The following ACACB variants were observed in gnomAD, a reference collection of about 807,000 sequenced individuals.
ACACB encodes acetyl-CoA carboxylase beta.
In ACACB, 209 loss-of-function variants were observed where a neutral mutation model predicts 278.8. The ratio of observed to expected loss-of-function variants is 0.75; its 90% CI spans 0.67 to 0.84. The LOEUF (loss-of-function observed/expected upper bound fraction) is 0.84, where lower values mean the gene tolerates loss of function less well. Ranked by LOEUF, ACACB falls within the 40% of genes least tolerant of loss-of-function variation. ACACB has a pLI of 0.00. For synonymous variants in ACACB, 1,174 were observed against 1,285.6 expected, an observed-to-expected ratio of 0.91 and a Z score of 1.86; for missense variants, 2,850 against 3,269.0, an observed-to-expected ratio of 0.87 and a Z score of 3.13.
intron 1 of ACACB, among the ~76,000 whole-genome samples, chr12:109,116,940 T>C (rs1419845466): frequency 6.6e-6 from 1 of 151,876 alleles, no homozygotes; most frequent in Non-Finnish European, 1.5e-5. Context: ...TCCCTGGACA[T>C]GCTCCCATAT....
chr12:109,196,212 G>A (rs879556933), intron 16 of ACACB, among the ~76,000 whole-genome samples: 3 of 152,134 alleles, frequency 2.0e-5, no homozygotes, highest in Admixed American at 1.3e-4. Flanking sequence ...TCTCTCTCAC[G>A]TGTCCCAAAG....
intron 17 of ACACB, 59 bp from the exon 18 acceptor site, chr12:109,199,343 G>A: frequency 7.5e-7 from 1 of 1,326,092 alleles, no homozygotes; most frequent in Admixed American, 2.9e-5. Flanking sequence ...AGCCGGACTA[G>A]GGCTTGCTGA....
rs2046548650 is a variant in ACACB, at chr12:109,233,797, C to T, written c.4189C>T (p.Pro1397Ser). 1 of 1,614,190 alleles carries T rather than the reference C, an allele frequency of 6.2e-7. No individual in the cohort carries two copies. Among genetic ancestry groups the T allele is most frequent in the Admixed American group, 1.7e-5 (1 of 60,028 alleles). The stretch of plus-strand genomic sequence containing the variant: ...CTTCGCCAACGTGCCCAAAGACACC[C>T]CCCTCTTCAGCGAGGCCCGCACCTC... Reference protein sequence around the residue: ...SCFANVPKDTPLFSEARTSLY... With the variant: ...SCFANVPKDTSLFSEARTSLY... Residue 1397 changes from proline to serine, a missense_variant, in exon 30 of 53, where the codon CCC (proline) becomes TCC (serine). By Grantham distance (74) the Pro-to-Ser change is moderately conservative. Transcript: ENST00000338432.
In ACACB at chr12:109,163,986, G is replaced by T. The variant is rs1593440668; in HGVS notation, c.654-2875G>T. Among the ~76,000 whole-genome samples the T allele has an allele frequency of 2.0e-5, 3 of 152,274 alleles. No homozygotes were observed. The South Asian group carries it at 6.2e-4, about 32-fold the overall frequency. The stretch of plus-strand genomic sequence containing the variant: ...TATTTGAAGACAAATTCCCAGGATG[G>T]AAGTTTCCAGATTGAGAGGGCCTGA... On this transcript the variant is annotated intron_variant, in intron 2 of 52. Coordinates refer to ENST00000338432, the MANE Select transcript of ACACB (RefSeq NM_001093.4).
chr12:109,178,984 T>G, intron 9 of ACACB, 104 bp from the exon 10 acceptor site: 9 of 1,091,206 alleles, frequency 8.2e-6, no homozygotes, highest in Non-Finnish European at 1.2e-5. Context: ...ATGAGTACCC[T>G]AAACACATCA....
chr12:109,119,975 T>C (rs1328282148), intron 1 of ACACB, among the ~76,000 whole-genome samples: 2 of 152,194 alleles, frequency 1.3e-5, no homozygotes, highest in Non-Finnish European at 2.9e-5. Context: ...AATTAAATAA[T>C]GAGTGAAGGT....
At chr12:109,258,472 A>AGG in intron 46 of ACACB, 108 bp downstream of exon 46, 1 of 853,540 alleles carries the variant, frequency 1.2e-6, no homozygotes, top group Non-Finnish European at 1.8e-6. Flanking sequence ...GTGGAGAAGC[A>AGG]GGGGACCCAG....
Position 109,185,581 on chromosome 12 carries a change from C to T in ACACB, c.1821C>T (p.Ile607=), listed in dbSNP as rs775184175. 19 of 1,613,440 alleles carry T rather than the reference C, an allele frequency of 1.2e-5. No homozygotes were observed. Among genetic ancestry groups the T allele is most frequent in the South Asian group, 4.4e-5 (4 of 91,058 alleles). Residue 607 remains isoleucine, a splice_region_variant and synonymous_variant, in exon 12 of 53, where the codon ATC becomes ATT. Transcript: ENST00000338432. The stretch of plus-strand genomic sequence containing the variant: ...TGGGTTGGATCTCTTGATTTTAGAT[C>T]GCCATGGGCGTGCCACTGCACCGGC... The part of the protein sequence containing the change: ...DVNLPAAQLQ[I]AMGVPLHRLK...
At chr12:109,123,365 TTTTG>T (rs1234774480) in intron 1 of ACACB, among the ~76,000 whole-genome samples, 3 of 151,696 alleles carry the variant, frequency 2.0e-5, no homozygotes, top group Non-Finnish European at 4.4e-5. Context: ...CCAGAGTTTT[TTTTG>T]TTTGTTTGTT....
intron 43 of ACACB, among the ~76,000 whole-genome samples, chr12:109,253,730 T>C (rs1361224678): frequency 6.6e-6 from 1 of 152,186 alleles, no homozygotes; most frequent in African/African-American, 2.4e-5. Flanking sequence ...TTGTCATTCT[T>C]CATTATAACC....
chr12:109,189,099 G>A lies in ACACB; in HGVS notation c.2144+937G>A, dbSNP rs576717824. On this transcript the variant is annotated intron_variant, in intron 13 of 52. Coordinates refer to ENST00000338432, the MANE Select transcript of ACACB (RefSeq NM_001093.4). ...CCCCAAATTCTGACACACCATCTCC[G>A]ACACTTCTCCTGGCTTGACATGGGT... 5.3e-5 allele frequency among the ~76,000 whole-genome samples: 8 copies of A among 152,192 alleles called. No individual in the cohort carries two copies. The East Asian group carries it at 1.4e-3, about 26-fold the overall frequency.
intron 51 of ACACB, 43 bp downstream of exon 51, chr12:109,265,323 C>T: frequency 6.2e-7 from 1 of 1,610,612 alleles, no homozygotes; most frequent in Non-Finnish European, 8.5e-7. Context: ...ACAGGGGGTG[C>T]TGGGGGCTGA....
At chr12:109,256,599 G>A (rs574758598) in intron 45 of ACACB, among the ~76,000 whole-genome samples, 11 of 152,234 alleles carry the variant, frequency 7.2e-5, no homozygotes, top group Admixed American at 1.3e-4. Flanking sequence ...GCCACTGTTG[G>A]TGGGAGGCTG....
chr12:109,220,060 TC>T (rs1291046091), intron 24 of ACACB, among the ~76,000 whole-genome samples: 22 of 152,240 alleles, frequency 1.4e-4, no homozygotes, highest in South Asian at 6.2e-4. Flanking sequence ...ATTTTGCTGT[TC>T]GTTCTTCTGT....
At chr12:109,115,020 C>G (rs1260118295), upstream of ACACB, among the ~76,000 whole-genome samples, 1 of 152,110 alleles carries the variant, frequency 6.6e-6, no homozygotes, top group Non-Finnish European at 1.5e-5. Context: ...TGGAAAATAC[C>G]TGTGTCTTAA....
chr12:109,260,396 C>T, intron 47 of ACACB, 84 bp from the exon 48 acceptor site: 1 of 1,549,632 alleles, frequency 6.5e-7, no homozygotes, highest in East Asian at 2.2e-5. Flanking sequence ...CTCACTCTCC[C>T]AGGACCCCCA....
rs370335975 is a variant in ACACB at position 109,188,115 on chromosome 12, A to G, written c.2097A>G (p.Gln699=). The part of the protein sequence containing the change: ...TGGLHEFADS[Q]FGHCFSWGEN... ...GCCTGCACGAGTTTGCGGATTCCCA[A>G]TTTGGGCACTGCTTCTCCTGGGGAG... The change falls in exon 13 of 53, where the codon CAA becomes CAG. Residue 699 remains glutamine, a synonymous_variant. Transcript: ENST00000338432. 8 of 1,612,154 alleles carry G rather than the reference A, an allele frequency of 5.0e-6. No individual in the cohort carries two copies. The African/African-American group carries it at 9.3e-5, about 19-fold the overall frequency.
chr12:109,195,784 A>T (rs1344555070), intron 16 of ACACB, among the ~76,000 whole-genome samples: 1 of 152,018 alleles, frequency 6.6e-6, no homozygotes, highest in East Asian at 1.9e-4. Context: ...CTGAACTTTT[A>T]ATAGTGATGG....
intron 21 of ACACB, among the ~76,000 whole-genome samples, chr12:109,211,052 TG>T (rs973784334): frequency 3.3e-5 from 5 of 152,150 alleles, no homozygotes; most frequent in African/African-American, 1.2e-4. Context: ...GTTGGTTTTG[TG>T]GGGCATTTGA....
Sources: allele counts gnomAD v4.1 joint callset (sites outside exome capture counted in the v4.1 genomes callset), GRCh38; gene constraint gnomAD v4.1.1; transcripts MANE v1.5; gene names NCBI Gene and HGNC (gene_info 2026-07-23, HGNC 2026-07-21).